Variants in PCDH15 observed in about 807,000 individuals in gnomAD.
PCDH15 encodes protocadherin-15.
In PCDH15, 129 loss-of-function variants were observed where a neutral mutation model predicts 178.5. The observed-to-expected ratio is 0.72, with a 90% confidence interval of 0.63 to 0.84. The LOEUF is 0.84. Ranked by LOEUF, PCDH15 falls within the 40% of genes least tolerant of loss-of-function variation. PCDH15 has a pLI of 0.00. For missense variants in PCDH15, 2,230 were observed against 2,099.9 expected, an observed-to-expected ratio of 1.06 and a Z score of -1.21; for synonymous variants, 800 against 732.0, an observed-to-expected ratio of 1.09 and a Z score of -1.50.
intron 1 of PCDH15, among the ~76,000 whole-genome samples, chr10:55,316,650 T>C (rs931932308): frequency 6.6e-6 from 1 of 152,160 alleles, no homozygotes; most frequent in African/African-American, 2.4e-5. Context: ...AAGCATGTTT[T>C]GGAGTCAGAT....
At chr10:54,801,259 C>T (rs1455068149), upstream of PCDH15, 1 of 152,206 alleles carries the variant, frequency 6.6e-6, no homozygotes, top group Non-Finnish European at 1.5e-5. Context: ...AATCTGTCTG[C>T]CCTCTATCTG....
intron 3 of PCDH15, among the ~76,000 whole-genome samples, chr10:54,824,812 ATG>A (rs368956394): frequency 1.1e-4 from 16 of 152,214 alleles, no homozygotes; most frequent in East Asian, 9.7e-4. Context: ...AGATGGGAAA[ATG>A]TTATGTTATC....
intron 2 of PCDH15, among the ~76,000 whole-genome samples, chr10:55,616,969 A>G (rs113823038): frequency 5.3e-4 from 81 of 152,192 alleles, no homozygotes; most frequent in Non-Finnish European, 1.0e-3. Context: ...TATATTAAAG[A>G]CATTATTACA....
intron 18 of PCDH15, among the ~76,000 whole-genome samples, chr10:54,062,881 T>G (rs2135768379): frequency 6.6e-6 from 1 of 152,334 alleles, no homozygotes; most frequent in African/African-American, 2.4e-5. Flanking sequence ...GCTTTATCTC[T>G]CCAAGCTAAA....
intron 13 of PCDH15, among the ~76,000 whole-genome samples, chr10:54,176,464 C>T (rs952999295): frequency 4.6e-5 from 7 of 152,078 alleles, no homozygotes; most frequent in African/African-American, 1.7e-4. Context: ...AAACCTTCAA[C>T]CTGAGAGAGC....
At chr10:54,385,761 AAACT>A (rs757339758) in intron 3 of PCDH15, among the ~76,000 whole-genome samples, 9 of 152,190 alleles carry the variant, frequency 5.9e-5, no homozygotes, top group Non-Finnish European at 8.8e-5. Context: ...AAAATCAAAT[AAACT>A]AACTAAATTA....
At chr10:54,411,437 C>T (rs762771918) in intron 3 of PCDH15, among the ~76,000 whole-genome samples, 6 of 152,134 alleles carry the variant, frequency 3.9e-5, no homozygotes, top group Non-Finnish European at 7.4e-5. Context: ...TAATTCCTTA[C>T]GATCTAGACT....
chr10:54,242,210 ACACATAATCAT>A (rs2055475196), intron 8 of PCDH15, among the ~76,000 whole-genome samples: 1 of 138,612 alleles, frequency 7.2e-6, no homozygotes, highest in African/African-American at 2.6e-5. Flanking sequence ...ATACATACAT[ACACATAATCAT>A]TAATAAAAAT....
chr10:55,093,250 G>A (rs912773629), intron 2 of PCDH15, among the ~76,000 whole-genome samples: 11 of 151,962 alleles, frequency 7.2e-5, no homozygotes, highest in African/African-American at 2.7e-4. Flanking sequence ...TGTAATTTAT[G>A]TGATGAACCT....
intron 1 of PCDH15, among the ~76,000 whole-genome samples, chr10:54,728,449 T>G (rs1942881952): frequency 6.6e-6 from 1 of 151,290 alleles, no homozygotes; most frequent in Admixed American, 6.6e-5. Context: ...CAAAATATAA[T>G]AGCCTTCTAT....
intron 1 of PCDH15, among the ~76,000 whole-genome samples, chr10:55,262,848 A>G (rs1842181407): frequency 1.3e-5 from 2 of 152,194 alleles, no homozygotes; most frequent in Admixed American, 1.3e-4. Flanking sequence ...AATTGAATTC[A>G]CTAACACAAG....
At chr10:54,839,647 G>T (rs1953382169) in intron 3 of PCDH15, among the ~76,000 whole-genome samples, 1 of 152,026 alleles carries the variant, frequency 6.6e-6, no homozygotes, top group African/African-American at 2.4e-5. Flanking sequence ...TAGACATTAA[G>T]ATTCATTAAG....
chr10:55,023,570 C>G (rs1185158509), intron 2 of PCDH15, among the ~76,000 whole-genome samples: 2 of 152,054 alleles, frequency 1.3e-5, no homozygotes, highest in Non-Finnish European at 2.9e-5. Context: ...ACCACACACA[C>G]ACAGACACAC....
At chr10:53,817,814 T>C (rs1440592705) in intron 34 of PCDH15, among the ~76,000 whole-genome samples, 181 bp downstream of exon 34, 1 of 152,090 alleles carries the variant, frequency 6.6e-6, no homozygotes, top group Non-Finnish European at 1.5e-5. Flanking sequence ...AATAAGAGAT[T>C]TAAAACCTTA....
At chr10:53,926,741 GT>G (rs927969253) in intron 25 of PCDH15, among the ~76,000 whole-genome samples, 2 of 152,140 alleles carry the variant, frequency 1.3e-5, no homozygotes, top group African/African-American at 4.8e-5. Flanking sequence ...TGCTTCAAAT[GT>G]TTTGCAGAGT....
At chr10:55,133,869 C>A (rs902244933) in intron 2 of PCDH15, among the ~76,000 whole-genome samples, 9 of 152,102 alleles carry the variant, frequency 5.9e-5, no homozygotes, top group Admixed American at 4.6e-4. Context: ...AACCTTATCA[C>A]TTCCGAGCAC....
chr10:54,303,303 AT>A (rs1367129491), intron 8 of PCDH15, among the ~76,000 whole-genome samples: 1 of 152,114 alleles, frequency 6.6e-6, no homozygotes, highest in Non-Finnish European at 1.5e-5. Context: ...CAGACCAAAA[AT>A]ATTGCAAAAA....
At chr10:55,591,518 A>G (rs917977891) in intron 2 of PCDH15, among the ~76,000 whole-genome samples, 5 of 152,300 alleles carry the variant, frequency 3.3e-5, no homozygotes, top group African/African-American at 1.2e-4. Context: ...CATCATCCAC[A>G]TTTTTCAGTA....
intron 8 of PCDH15, among the ~76,000 whole-genome samples, chr10:54,249,726 T>G (rs1423379821): frequency 6.6e-6 from 1 of 151,822 alleles, no homozygotes. Context: ...GAAAATTATG[T>G]GAATATCAAA....
Sources: allele counts gnomAD v4.1 joint callset (sites outside exome capture counted in the v4.1 genomes callset), GRCh38; gene constraint gnomAD v4.1.1; transcripts MANE v1.5; gene names NCBI Gene and HGNC (gene_info 2026-07-23, HGNC 2026-07-21).